The following YTHDC2 variants were observed in gnomAD, a reference collection of about 807,000 sequenced individuals.
The protein encoded by YTHDC2 is 3'-5' RNA helicase YTHDC2.
In YTHDC2, 45 loss-of-function variants were observed where a neutral mutation model predicts 174.9. The ratio of observed to expected loss-of-function variants is 0.26; its 90% confidence interval spans 0.20 to 0.33. The LOEUF is 0.33. Among genes scored for constraint, YTHDC2 ranks in the 10% least tolerant of loss-of-function variants. The pLI, the probability that YTHDC2 is intolerant of heterozygous loss-of-function variation, is 1.00. For missense variants in YTHDC2, 1,650 were observed against 1,723.7 expected, an observed-to-expected ratio of 0.96 and a Z score of 0.76; for synonymous variants, 657 against 574.5, an observed-to-expected ratio of 1.14 and a Z score of -2.05.
intron 23 of YTHDC2, among the ~76,000 whole-genome samples, chr5:113,569,026 ATGT>A (rs1373091376): frequency 2.0e-5 from 3 of 152,066 alleles, no homozygotes; most frequent in African/African-American, 7.2e-5. Context: ...CCTCACCAGC[ATGT>A]TGTTTTTTGA....
intron 23 of YTHDC2, among the ~76,000 whole-genome samples, chr5:113,569,200 T>C (rs1777556854): frequency 6.6e-6 from 1 of 152,200 alleles, no homozygotes; most frequent in African/African-American, 2.4e-5. Context: ...GGTTGTTTTT[T>C]CTTGTAAATT....
At chr5:113,544,355 T>G (rs1010163307) in intron 10 of YTHDC2, among the ~76,000 whole-genome samples, 4 of 152,058 alleles carry the variant, frequency 2.6e-5, no homozygotes, top group Non-Finnish European at 5.9e-5. Context: ...TTCACCATGT[T>G]GGCCAGGATG....
At chr5:113,563,549 A>G in intron 19 of YTHDC2, 57 bp downstream of exon 19, 1 of 1,520,826 alleles carries the variant, frequency 6.6e-7, no homozygotes. Context: ...TTTTAAACTA[A>G]AAGGAAATAT....
At position 113,514,125 on chromosome 5, in the gene YTHDC2, C is replaced by G. The variant is rs775710152; in HGVS notation, c.187+43C>G. 1.5e-5 allele frequency: 23 copies of G among 1,584,604 alleles called. 1 individual carries two copies. The South Asian group carries it at 1.9e-4, about 13-fold the overall frequency. The stretch of plus-strand genomic sequence containing the variant: ...GACCATGCTGGCAGTCAGGATACCC[C>G]CCTCACCCCAGCGCCCCCCAAACGG... On this transcript the variant is annotated intron_variant, in intron 1 of 29. Coordinates refer to ENST00000161863, the MANE Select transcript of YTHDC2 (RefSeq NM_022828.5).
intron 2 of YTHDC2, among the ~76,000 whole-genome samples, chr5:113,518,045 C>T (rs571993110): frequency 8.7e-4 from 132 of 152,084 alleles, no homozygotes; most frequent in African/African-American, 2.7e-3. Flanking sequence ...CCCACCACCA[C>T]GCCCGGCTAA....
At chr5:113,518,102 A>G (rs1773596048) in intron 2 of YTHDC2, among the ~76,000 whole-genome samples, 1 of 150,814 alleles carries the variant, frequency 6.6e-6, no homozygotes, top group South Asian at 2.1e-4. Context: ...GTTAGCCAGG[A>G]TTGTCTAGAT....
intron 1 of YTHDC2, chr5:113,514,360 G>A (rs1210218718): frequency 1.5e-6 from 1 of 648,356 alleles, no homozygotes; most frequent in East Asian, 3.1e-5. Context: ...AGCCTTGGGC[G>A]GTTAAGCCAC....
At chr5:113,546,604 C>G in intron 10 of YTHDC2, among the ~76,000 whole-genome samples, 1 of 152,210 alleles carries the variant, frequency 6.6e-6, no homozygotes, top group Admixed American at 6.5e-5. Context: ...TTGACATTCT[C>G]TGTCATACTT....
At chr5:113,584,238 A>G (rs1191195005) in intron 25 of YTHDC2, 64 bp from the exon 26 acceptor site, 4 of 1,401,618 alleles carry the variant, frequency 2.9e-6, no homozygotes, top group African/African-American at 2.9e-5. Context: ...AAACTTATAC[A>G]TAACTGATCT....
chr5:113,514,064 C>T lies in YTHDC2; in HGVS notation c.169C>T (p.Arg57Ter). 1 of 1,612,188 alleles carries T rather than the reference C, an allele frequency of 6.2e-7. No individual in the cohort carries two copies. The highest frequency in any genetic ancestry group is 8.5e-7 in the Non-Finnish European group (1 of 1,179,298). The change falls in exon 1 of 30, where the codon CGA (arginine) becomes TGA (stop). Residue 57 changes from arginine to a stop codon, truncating the protein, a stop_gained. Coordinates refer to ENST00000161863, the MANE Select transcript of YTHDC2 (RefSeq NM_022828.5). LOFTEE classifies it high-confidence loss of function. ...AGTCAATATCGCGCTGGAGCGCTTC[C>T]GATACGGGGACCAGAGAGGTGAGGT... is the stretch of plus-strand genomic sequence containing the variant. ...IAVNIALERFRYGDQREMEFP... is the reference protein window; with the variant it reads ...IAVNIALERF
chr5:113,580,558 A>G (rs1778337649), intron 24 of YTHDC2, among the ~76,000 whole-genome samples: 1 of 152,116 alleles, frequency 6.6e-6, no homozygotes, highest in African/African-American at 2.4e-5. Flanking sequence ...AACACTGGCT[A>G]GGTTTACTAT....
In YTHDC2 at chr5:113,581,494, T is replaced by C; in HGVS notation, c.3432T>C (p.Pro1144=). The C allele has an allele frequency of 6.2e-7, 1 of 1,614,000 alleles. No homozygotes were observed. The highest frequency in any genetic ancestry group is 8.5e-7 in the Non-Finnish European group (1 of 1,179,906). Residue 1144 remains proline, a synonymous_variant, in exon 25 of 30, where the codon CCT becomes CCC. Transcript: ENST00000161863. ...FLRRMRAPSK[P]WSQVDEATIR... ...GCCGAATGAGAGCTCCATCTAAACC[T>C]TGGTCTCAAGTTGATGAAGCTACCA...
chr5:113,544,088 C>T (rs1452399358), intron 10 of YTHDC2, among the ~76,000 whole-genome samples: 2 of 152,128 alleles, frequency 1.3e-5, no homozygotes, highest in East Asian at 3.8e-4. Flanking sequence ...TTACTTATCT[C>T]TGTGTCACCA....
At position 113,514,086 on chromosome 5, in the gene YTHDC2, A is replaced by G; in HGVS notation, c.187+4A>G. ...TTCCGATACGGGGACCAGAGAGGTG[A>G]GGTTCCGGACAGGGACCATGCTGGC... is the stretch of plus-strand genomic sequence containing the variant. On this transcript the variant is annotated splice_donor_region_variant and intron_variant, in intron 1 of 29. Transcript: ENST00000161863. 1 of 1,610,558 alleles carries G rather than the reference A, an allele frequency of 6.2e-7. No homozygotes were observed.
rs1260096184 is a variant in YTHDC2, at chr5:113,545,827, G to A, written c.1496-2714G>A. On this transcript the variant is annotated intron_variant, in intron 10 of 29. Coordinates refer to ENST00000161863, the MANE Select transcript of YTHDC2 (RefSeq NM_022828.5). ...GGGATCTCGGCTCACTGCAAGCTCC[G>A]CCTCCCGGGTTCACGCCATTCTCCT... 1.3e-4 allele frequency among the ~76,000 whole-genome samples: 6 copies of A among 45,594 alleles called. 1 individual carries two copies. The highest frequency in any genetic ancestry group is 5.9e-4 in the African/African-American group (2 of 3,362). 29.9% of individuals were successfully genotyped at this position (45,594 alleles called of 152,430 possible).
chr5:113,525,701 A>G (rs1774173585), intron 3 of YTHDC2, among the ~76,000 whole-genome samples: 2 of 152,128 alleles, frequency 1.3e-5, no homozygotes, highest in Non-Finnish European at 2.9e-5. Context: ...TCAGTACATT[A>G]AGTTGCTCAA....
At chr5:113,580,287 G>A in intron 24 of YTHDC2, among the ~76,000 whole-genome samples, 1 of 152,108 alleles carries the variant, frequency 6.6e-6, no homozygotes, top group East Asian at 1.9e-4. Flanking sequence ...TAATCCTTGA[G>A]TATTTCTGGA....
Position 113,513,957 on chromosome 5 carries a change from G to A in YTHDC2, c.62G>A (p.Gly21Asp), listed in dbSNP as rs1247594768. The change falls in exon 1 of 30, where the codon GGC becomes GAC. Residue 21 changes from glycine to aspartate, a missense_variant. By Grantham distance (94) the Gly-to-Asp change is moderately conservative. Around this residue, in one of 5 missense-constraint regions of YTHDC2, gnomAD observed 304 missense variants for 341.4 expected, o/e 0.89. Transcript: ENST00000161863. ...QPAPGGGGGG[G>D]PSPCGPGGGG... ...GCTCCTGGCGGTGGCGGAGGCGGCG[G>A]CCCCTCGCCTTGTGGCCCTGGGGGC... 3.1e-6 allele frequency: 5 copies of A among 1,602,454 alleles called. No individual in the cohort carries two copies. Among genetic ancestry groups the A allele is most frequent in the Admixed American group, 1.7e-5 (1 of 58,998 alleles).
At chr5:113,560,525 T>G (rs1458808274) in intron 17 of YTHDC2, among the ~76,000 whole-genome samples, 1 of 152,198 alleles carries the variant, frequency 6.6e-6, no homozygotes, top group African/African-American at 2.4e-5. Context: ...AATATTTCTA[T>G]ATCTCTATCC....
Sources: gnomAD v4.1 joint callset for allele counts (sites outside exome capture counted in the v4.1 genomes callset) on GRCh38, gnomAD v4.1.1 for gene constraint, gnomAD v4.1.1 regional missense constraint, MANE v1.5 for transcripts, NCBI Gene and HGNC (gene_info 2026-07-23, HGNC 2026-07-21) for gene names.